RPS6KC1: variants seen among roughly 807,000 people sequenced by gnomAD.
RPS6KC1 encodes ribosomal protein S6 kinase C1.
RPS6KC1 carries 54 observed loss-of-function variants against 103.8 expected under a neutral mutation model. The observed-to-expected ratio is 0.52, with a 90% CI of 0.42 to 0.65. The LOEUF is 0.65. Among genes scored for constraint, RPS6KC1 ranks in the 30% least tolerant of loss-of-function variants. RPS6KC1 has a pLI of 0.00. For synonymous variants in RPS6KC1, 439 were observed against 438.7 expected, an observed-to-expected ratio of 1.00 and a Z score of -0.01; for missense variants, 1,151 against 1,253.8, an observed-to-expected ratio of 0.92 and a Z score of 1.24.
chr1:213,490,980 G>A, the RPS6KC1 span, among the ~76,000 whole-genome samples: 3 of 152,268 alleles, frequency 2.0e-5, no homozygotes, highest in South Asian at 2.1e-4. Context: ...CACACTGCTC[G>A]TGATGGGAAC....
chr1:213,500,324 AGGGTCTTCAAG>A, the RPS6KC1 span, among the ~76,000 whole-genome samples: 1 of 152,272 alleles, frequency 6.6e-6, no homozygotes, highest in Admixed American at 6.5e-5. Flanking sequence ...GCCCCACTGG[AGGGTCTTCAAG>A]GGCAATAGCA....
the RPS6KC1 span, among the ~76,000 whole-genome samples, chr1:213,536,861 AT>A: frequency 2.6e-5 from 4 of 152,174 alleles, no homozygotes; most frequent in African/African-American, 9.7e-5. Context: ...ATGGCGTTTT[AT>A]TAGGGGCTTA....
At chr1:213,587,341 G>A in the RPS6KC1 span, among the ~76,000 whole-genome samples, 1 of 152,188 alleles carries the variant, frequency 6.6e-6, no homozygotes, top group East Asian at 1.9e-4. Context: ...AAAACCAATG[G>A]TGGCATCCAG....
the RPS6KC1 span, among the ~76,000 whole-genome samples, chr1:213,563,653 G>T: frequency 6.6e-6 from 1 of 151,916 alleles, no homozygotes; most frequent in South Asian, 2.1e-4. Context: ...CACTTGACTT[G>T]GAAAATATCA....
At chr1:213,106,779 A>G (rs957407682) in intron 4 of RPS6KC1, among the ~76,000 whole-genome samples, 8 of 152,158 alleles carry the variant, frequency 5.3e-5, no homozygotes, top group East Asian at 1.9e-4. Flanking sequence ...TTATCAGTAT[A>G]TTGCCAAACT....
the RPS6KC1 span, among the ~76,000 whole-genome samples, chr1:213,292,249 A>C: frequency 1.0e-5 from 1 of 98,214 alleles, no homozygotes; most frequent in African/African-American, 3.7e-5. Context: ...TTAAAGTATA[A>C]TAATAATAAA....
the RPS6KC1 span, among the ~76,000 whole-genome samples, chr1:213,300,894 A>G: frequency 1.3e-5 from 2 of 152,264 alleles, no homozygotes; most frequent in African/African-American, 4.8e-5. Flanking sequence ...TCACCCTCCC[A>G]GGGCTTGCTG....
chr1:213,801,462 A>G, the RPS6KC1 span, among the ~76,000 whole-genome samples: 5 of 152,196 alleles, frequency 3.3e-5, no homozygotes, highest in East Asian at 7.7e-4. Flanking sequence ...TGTAAATTAA[A>G]CATATGTAAA....
At chr1:213,729,537 C>T in the RPS6KC1 span, among the ~76,000 whole-genome samples, 1 of 151,958 alleles carries the variant, frequency 6.6e-6, no homozygotes, top group Admixed American at 6.6e-5. Flanking sequence ...TTTTTGTTAC[C>T]ATTAAAGGAT....
At chr1:213,418,295 G>A in the RPS6KC1 span, among the ~76,000 whole-genome samples, 2 of 152,192 alleles carry the variant, frequency 1.3e-5, no homozygotes, top group African/African-American at 2.4e-5. Context: ...CACAGTGCTT[G>A]TACACTAAAT....
At chr1:213,621,643 T>G in the RPS6KC1 span, among the ~76,000 whole-genome samples, 6 of 152,144 alleles carry the variant, frequency 3.9e-5, no homozygotes, top group Admixed American at 3.9e-4. Context: ...CAGAGGGCTT[T>G]TGTGATTTGC....
the RPS6KC1 span, among the ~76,000 whole-genome samples, chr1:213,400,768 G>C: frequency 3.1e-4 from 47 of 151,240 alleles, 1 homozygote; most frequent in East Asian, 7.6e-3. Flanking sequence ...GTGCAGTGGC[G>C]CGATCTCGGC....
chr1:213,683,900 G>C, the RPS6KC1 span, among the ~76,000 whole-genome samples: 5 of 152,260 alleles, frequency 3.3e-5, no homozygotes, highest in East Asian at 3.9e-4. Flanking sequence ...TCGCTAACTG[G>C]AATTACCTGG....
the RPS6KC1 span, among the ~76,000 whole-genome samples, chr1:213,654,349 T>C: frequency 6.6e-6 from 1 of 152,164 alleles, no homozygotes; most frequent in Non-Finnish European, 1.5e-5. Flanking sequence ...AAGTAACTTT[T>C]CAAATGATAA....
chr1:213,344,325 C>A, the RPS6KC1 span, among the ~76,000 whole-genome samples: 2 of 152,048 alleles, frequency 1.3e-5, no homozygotes, highest in African/African-American at 4.8e-5. Context: ...CCTGCAATAT[C>A]CTATGGATAT....
At chr1:213,539,925 A>G in the RPS6KC1 span, among the ~76,000 whole-genome samples, 6 of 152,356 alleles carry the variant, frequency 3.9e-5, no homozygotes, top group East Asian at 5.8e-4. Flanking sequence ...TAAGTGTACA[A>G]TAATATTTTG....
chr1:213,387,781 A>T, the RPS6KC1 span, among the ~76,000 whole-genome samples: 1 of 152,224 alleles, frequency 6.6e-6, no homozygotes, highest in East Asian at 1.9e-4. Context: ...TATCTGACTC[A>T]ACTTCTGGAT....
chr1:213,618,806 T>C, the RPS6KC1 span, among the ~76,000 whole-genome samples: 1 of 152,214 alleles, frequency 6.6e-6, no homozygotes, highest in Non-Finnish European at 1.5e-5. Flanking sequence ...TTTTCCATAA[T>C]TGAAAACCCT....
the RPS6KC1 span, among the ~76,000 whole-genome samples, chr1:213,751,208 TAG>T: frequency 2.0e-5 from 3 of 152,102 alleles, no homozygotes; most frequent in East Asian, 5.8e-4. Flanking sequence ...CCAGAGTCAC[TAG>T]AGAGATGATA....
Sources: gnomAD v4.1 joint callset for allele counts (sites outside exome capture counted in the v4.1 genomes callset) on GRCh38, gnomAD v4.1.1 for gene constraint, MANE v1.5 for transcripts, NCBI Gene and HGNC (gene_info 2026-07-23, HGNC 2026-07-21) for gene names.